Variants in KLK4 observed in about 807,000 individuals in gnomAD.
The protein encoded by KLK4 is kallikrein-4.
A neutral mutation model predicts 24.3 loss-of-function variants in KLK4; 24 were observed. The observed-to-expected ratio is 0.99, with a 90% CI of 0.72 to 1.39. The LOEUF is 1.39. KLK4 is among the 40% of genes most tolerant of loss of function. The pLI is 0.00. For missense variants in KLK4, 344 were observed against 327.4 expected, an observed-to-expected ratio of 1.05 and a Z score of -0.39; for synonymous variants, 142 against 138.8, an observed-to-expected ratio of 1.02 and a Z score of -0.16.
exon 3 of KLK4, chr19:50,909,333 A>G: frequency 6.2e-7 from 1 of 1,614,234 alleles, no homozygotes; most frequent in East Asian, 2.2e-5. Context: ...TTCCATGACC[A>G]GTGCCGCCTG....
rs866988253 is a variant in KLK4, at chr19:50,909,373, C to T, written c.103G>A (p.Glu35Lys). 3 of 1,614,048 alleles carry T rather than the reference C, an allele frequency of 1.9e-6. No individual in the cohort carries two copies. Among genetic ancestry groups the T allele is most frequent in the African/African-American group, 2.7e-5 (2 of 74,936 alleles). The stretch of plus-strand genomic sequence containing the variant: ...GGCTGCGAGTGCGGGCTGCAGTCCT[C>T]GCCGTTTATGATTTGGCTGCAGCTA... The change falls in exon 3 of 6, where the codon GAG becomes AAG. Residue 35 changes from glutamate (E) to lysine (K), a missense_variant. Glu to Lys is a moderately conservative substitution (Grantham distance 56). Coordinates refer to ENST00000324041, the Ensembl canonical transcript of KLK4.
rs975480710 is a variant in KLK4, at chr19:50,910,992, A to G, written c.-11-243T>C. Among the ~76,000 whole-genome samples the G allele has an allele frequency of 1.3e-5, 2 of 152,120 alleles. No individual in the cohort carries two copies. Among genetic ancestry groups the G allele is most frequent in the African/African-American group, 2.4e-5 (1 of 41,400 alleles). On this transcript the variant is annotated intron_variant, in intron 1 of 5. Transcript: ENST00000324041. This position sits in a 1 kb window ranked among gnomAD's most constrained non-coding sequence, Gnocchi z 4.4. Reference sequence around the variant, plus strand: ...AGAGAGAGAACTAGGTAGAAAGGAAAGTTTAGAGAAAGCATCTAGCCATCT... The same window carrying G: ...AGAGAGAGAACTAGGTAGAAAGGAAGGTTTAGAGAAAGCATCTAGCCATCT...
In KLK4 at chr19:50,910,705, G is replaced by A. The variant is rs1208077037; in HGVS notation, c.34C>T (p.Leu12=). Residue 12 remains leucine, a synonymous_variant, in exon 2 of 6, where the codon CTG becomes TTG. Coordinates refer to ENST00000324041, the Ensembl canonical transcript of KLK4. The surrounding 1 kb of genome is among the most constrained non-coding windows in gnomAD (Gnocchi z 4.4). ...GCGACACCAAGGATGAGGTACCCCA[G>A]GAACCAGCCCCAGGGATTTCCTGCT... The A allele has an allele frequency of 4.5e-6, 7 of 1,555,734 alleles. No individual in the cohort carries two copies. Among genetic ancestry groups the A allele is most frequent in the Middle Eastern group, 1.7e-4 (1 of 6,020 alleles).
rs371087726 is a variant in KLK4, at chr19:50,908,543, T to C, written c.475+36A>G. 85 of 1,613,942 alleles carry C rather than the reference T, an allele frequency of 5.3e-5. No homozygotes were observed. The Middle Eastern group carries it at 8.2e-4, about 16-fold the overall frequency. On this transcript the variant is annotated intron_variant, in intron 4 of 5. Coordinates refer to ENST00000324041, the Ensembl canonical transcript of KLK4. ...AGCCCCCGCGACTGGGCAGAGGACC[T>C]CCTTGAAGAGGGCAGACACACACCC... is the stretch of plus-strand genomic sequence containing the variant.
rs760461509 is a variant in KLK4 at position 50,908,718 on chromosome 19, CA to C, written c.335del (p.Leu112CysfsTer57). ...TGATGAGCATGAGGTCGTTAGCGAG[CA>C]AGGGTCTGTTGTACTCTGGGTGCCG... On this transcript the variant is annotated frameshift_variant, in exon 4 of 6. Coordinates refer to ENST00000324041, the Ensembl canonical transcript of KLK4. LOFTEE classifies it high-confidence loss of function. 1 of 1,614,184 alleles carries C rather than the reference CA, an allele frequency of 6.2e-7. No individual in the cohort carries two copies. The highest frequency in any genetic ancestry group is 1.1e-5 in the South Asian group (1 of 91,078).
At position 50,910,718 on chromosome 19, in the gene KLK4, G is replaced by C. The variant is rs1164646323; in HGVS notation, c.21C>G (p.Pro7=). The change falls in exon 2 of 6, where the codon CCC becomes CCG. Residue 7 remains proline (P), a synonymous_variant. Transcript: ENST00000324041. This position sits in a 1 kb window ranked among gnomAD's most constrained non-coding sequence, Gnocchi z 4.4. ...TGAGGTACCCCAGGAACCAGCCCCA[G>C]GGATTTCCTGCTGTGGCCATCACGT... 1 of 1,554,704 alleles carries C rather than the reference G, an allele frequency of 6.4e-7. No individual in the cohort carries two copies. Among genetic ancestry groups the C allele is most frequent in the Non-Finnish European group, 8.7e-7 (1 of 1,148,410 alleles).
At position 50,910,560 on chromosome 19, in the gene KLK4, G is replaced by C. The variant is rs896389699; in HGVS notation, c.61+118C>G. 1 of 919,022 alleles carries C rather than the reference G, an allele frequency of 1.1e-6. No homozygotes were observed. Among genetic ancestry groups the C allele is most frequent in the Non-Finnish European group, 1.8e-6 (1 of 571,210 alleles). The allele number at this position is 919,022 out of a possible 1,614,324, so 56.9% of individuals were successfully genotyped here. A position where few individuals can be genotyped will look rare whatever the true frequency, so the allele number is the denominator to read the frequency against. ...CACAGCCATGGGGGACGGATAACAC[G>C]GTACCGTCTCACAGGCAGCTTTGCA... On this transcript the variant is annotated intron_variant, in intron 2 of 5. Coordinates refer to ENST00000324041, the Ensembl canonical transcript of KLK4. This position sits in a 1 kb window ranked among gnomAD's most constrained non-coding sequence, Gnocchi z 4.4.
Position 50,908,553 on chromosome 19 carries a change from GGGCAGA to G in KLK4, c.475+20_475+25del, listed in dbSNP as rs773051441. On this transcript the variant is annotated intron_variant, in intron 4 of 5. Transcript: ENST00000324041. ...ACTGGGCAGAGGACCTCCTTGAAGAGGGCAGACACACACCCGTGAGCTCACCGTTCG... is the reference window on the plus strand; with the variant it reads ...ACTGGGCAGAGGACCTCCTTGAAGAGCACACACCCGTGAGCTCACCGTTCG... 17 of 1,614,194 alleles carry G rather than the reference GGGCAGA, an allele frequency of 1.1e-5. No individual in the cohort carries two copies. The Admixed American group carries it at 2.7e-4, about 25-fold the overall frequency.
At chr19:50,908,747 C>T (rs761971057) in exon 4 of KLK4, 2 of 1,614,152 alleles carry the variant, frequency 1.2e-6, no homozygotes, top group Non-Finnish European at 1.7e-6. Flanking sequence ...GGGTGCCGTA[C>T]GGAGAGGCTG....
At chr19:50,907,027 T>C in exon 6 of KLK4, 1 of 1,614,116 alleles carries the variant, frequency 6.2e-7, no homozygotes, top group Non-Finnish European at 8.5e-7. Context: ...ACGGGGCTTT[T>C]CCGAAAGACA....
exon 6 of KLK4, chr19:50,907,003 G>A (rs1049234473): frequency 1.1e-5 from 18 of 1,614,092 alleles, no homozygotes; most frequent in Admixed American, 1.7e-5. Context: ...CACCTGGCAC[G>A]CCAACTTGGC....
chr19:50,909,114 C>T (rs1377684882), intron 3 of KLK4, 138 bp downstream of exon 3: 12 of 1,537,832 alleles, frequency 7.8e-6, no homozygotes, highest in Non-Finnish European at 9.6e-6. Flanking sequence ...CCCTCTGGGG[C>T]TCCCCGGATC....
intron 4 of KLK4, 33 bp from the exon 5 acceptor site, chr19:50,908,528 A>T: frequency 6.2e-7 from 1 of 1,614,118 alleles, no homozygotes; most frequent in Non-Finnish European, 8.5e-7. Context: ...AGCCCCCGCG[A>T]CTGGGCAGAG....
At chr19:50,906,944 T>C in exon 6 of KLK4, 1 of 1,614,174 alleles carries the variant, frequency 6.2e-7, no homozygotes, top group Non-Finnish European at 8.5e-7. Context: ...TTAACTGGCC[T>C]GGACGGTTTT....
Position 50,910,682 on chromosome 19 carries a change from G to A in KLK4, c.57C>T (p.Val19=), listed in dbSNP as rs2090480918. Residue 19 remains valine (V), a synonymous_variant, in exon 2 of 6, where the codon GTC becomes GTT. Coordinates refer to ENST00000324041, the Ensembl canonical transcript of KLK4. This position sits in a 1 kb window ranked among gnomAD's most constrained non-coding sequence, Gnocchi z 4.4. ...CACACACGCATACTCAGATACCTGC[G>A]ACACCAAGGATGAGGTACCCCAGGA... The A allele has an allele frequency of 3.2e-6, 5 of 1,555,038 alleles. No homozygotes were observed. The highest frequency in any genetic ancestry group is 4.4e-6 in the Non-Finnish European group (5 of 1,148,484).
intron 1 of KLK4, among the ~76,000 whole-genome samples, chr19:50,911,107 G>A (rs1379808147): frequency 6.6e-6 from 1 of 152,170 alleles, no homozygotes; most frequent in African/African-American, 2.4e-5. Flanking sequence ...CAGAGTGCTT[G>A]AGAGATATCC....
chr19:50,908,348 C>T lies in KLK4; in HGVS notation c.612+11G>A. On this transcript the variant is annotated intron_variant, in intron 5 of 5. Coordinates refer to ENST00000324041, the Ensembl canonical transcript of KLK4. ...CCTGAGTCGCCTGCCCTCCCCTTTCCCCTCTCTCACGTTGCAGGAGTCCTT... is the reference window on the plus strand; with the variant it reads ...CCTGAGTCGCCTGCCCTCCCCTTTCTCCTCTCTCACGTTGCAGGAGTCCTT... 6.2e-7 allele frequency: 1 copy of T among 1,612,438 alleles called. No homozygotes were observed. Among genetic ancestry groups the T allele is most frequent in the Non-Finnish European group, 8.5e-7 (1 of 1,180,010 alleles).
chr19:50,907,432 A>G (rs1241006048), intron 5 of KLK4, among the ~76,000 whole-genome samples: 99 of 130,838 alleles, frequency 7.6e-4, no homozygotes, highest in Non-Finnish European at 1.2e-3. Flanking sequence ...TTTGAGACAG[A>G]GTCTTACTCT....
At chr19:50,908,902 T>G (rs752869588) in intron 3 of KLK4, 73 bp from the exon 4 acceptor site, 111 of 1,589,546 alleles carry the variant, frequency 7.0e-5, no homozygotes, top group Non-Finnish European at 8.8e-5. Context: ...TCAACCCCAT[T>G]CCCATCCCCA....
Sources: gnomAD v4.1 joint callset for allele counts (sites outside exome capture counted in the v4.1 genomes callset) on GRCh38, gnomAD v4.1.1 for gene constraint, Gnocchi (gnomAD v3.1) non-coding constraint, MANE v1.5 for transcripts, NCBI Gene and HGNC (gene_info 2026-07-23, HGNC 2026-07-21) for gene names.